Variants in HDX observed in about 807,000 individuals in gnomAD.
HDX encodes highly divergent homeobox.
A neutral mutation model predicts 45.2 loss-of-function variants in HDX; 19 were observed. The ratio of observed to expected loss-of-function variants is 0.42; its 90% CI spans 0.29 to 0.62. The LOEUF is 0.62. HDX is among the 20% of genes least tolerant of loss of function. HDX has a pLI of 0.20. For synonymous variants in HDX, 188 were observed against 172.8 expected, an observed-to-expected ratio of 1.09 and a Z score of -0.69; for missense variants, 532 against 493.9, an observed-to-expected ratio of 1.08 and a Z score of -0.73.
At chrX:84,470,926 A>C (rs2040443237) in intron 3 of HDX, among the ~76,000 whole-genome samples, 1 of 111,834 alleles carries the variant, frequency 8.9e-6, no homozygotes, top group African/African-American at 3.2e-5. Context: ...AAGCCAAGGC[A>C]GGAGGATCGC....
chrX:84,344,957 A>G (rs1280948422), intron 6 of HDX, among the ~76,000 whole-genome samples: 2 of 111,249 alleles, frequency 1.8e-5, no homozygotes, highest in Admixed American at 1.9e-4. Flanking sequence ...TTCTTTTTCA[A>G]ACAGAACCAT....
chrX:84,349,087 C>T (rs1188243169), intron 6 of HDX, among the ~76,000 whole-genome samples: 1 of 110,747 alleles, frequency 9.0e-6, no homozygotes, highest in East Asian at 2.9e-4. Context: ...GAGCCTCCAG[C>T]AATTCATCAG....
At chrX:84,410,432 G>A (rs1225319377) in intron 5 of HDX, among the ~76,000 whole-genome samples, 1 of 111,470 alleles carries the variant, frequency 9.0e-6, no homozygotes, top group Non-Finnish European at 1.9e-5. Flanking sequence ...GTGTATGTGT[G>A]TGTGTGTGCG....
At chrX:84,457,609 G>T (rs772522935) in intron 4 of HDX, among the ~76,000 whole-genome samples, 1 of 111,647 alleles carries the variant, frequency 9.0e-6, no homozygotes, top group East Asian at 2.8e-4. Flanking sequence ...CAAAATTTGA[G>T]TAATTTCTTC....
chrX:84,424,283 A>C (rs1446367280), intron 5 of HDX, among the ~76,000 whole-genome samples: 2 of 111,257 alleles, frequency 1.8e-5, no homozygotes, highest in African/African-American at 6.5e-5. Flanking sequence ...CAATAATGAC[A>C]ACTATAAAAC....
chrX:84,355,805 G>A (rs893310908), intron 6 of HDX, among the ~76,000 whole-genome samples: 2 of 108,064 alleles, frequency 1.9e-5, no homozygotes, highest in African/African-American at 3.4e-5. Context: ...ACAAGTATAC[G>A]CACGTAACAA....
intron 5 of HDX, among the ~76,000 whole-genome samples, chrX:84,366,295 C>T (rs1350802864): frequency 2.7e-5 from 3 of 111,409 alleles, no homozygotes; most frequent in Non-Finnish European, 5.6e-5. Context: ...AGGACCTCTT[C>T]AAGGAGAACT....
chrX:84,451,383 A>G (rs1282343132), intron 4 of HDX, among the ~76,000 whole-genome samples: 2 of 111,347 alleles, frequency 1.8e-5, no homozygotes, highest in Non-Finnish European at 3.8e-5. Context: ...ATCAGAGACT[A>G]TAAAGAACAA....
At chrX:84,447,465 T>G (rs1159335555) in intron 4 of HDX, among the ~76,000 whole-genome samples, 2 of 111,295 alleles carry the variant, frequency 1.8e-5, no homozygotes, top group Non-Finnish European at 3.8e-5. Context: ...ATTTCTACCA[T>G]GGATTCCTGC....
At chrX:84,399,319 G>A (rs2038642759) in intron 5 of HDX, among the ~76,000 whole-genome samples, 1 of 109,335 alleles carries the variant, frequency 9.1e-6, no homozygotes, top group South Asian at 3.9e-4. Flanking sequence ...CCACTAGCTA[G>A]ACTAATAAAG....
intron 2 of HDX, among the ~76,000 whole-genome samples, chrX:84,477,936 A>G (rs764391074): frequency 3.0e-4 from 33 of 111,606 alleles, no homozygotes; most frequent in African/African-American, 1.0e-3. Flanking sequence ...GCTACCATTC[A>G]GCACATGCCC....
At chrX:84,468,417 T>C in intron 4 of HDX, 55 bp downstream of exon 4, 1 of 799,014 alleles carries the variant, frequency 1.3e-6, no homozygotes, top group Non-Finnish European at 1.7e-6. Flanking sequence ...GTCCCAAATC[T>C]AACTGGATAC....
chrX:84,439,139 C>T (rs1002530944), intron 5 of HDX, among the ~76,000 whole-genome samples: 4 of 111,372 alleles, frequency 3.6e-5, no homozygotes, highest in African/African-American at 1.3e-4. Flanking sequence ...TTTTGATTTG[C>T]ATTTCTCTGA....
At position 84,468,921 on chromosome X, in the gene HDX, A is replaced by T. The variant is rs778838792; in HGVS notation, c.802T>A (p.Leu268Met). 1 of 1,209,887 alleles carries T rather than the reference A, an allele frequency of 8.3e-7. No individual in the cohort carries two copies. The highest frequency in any genetic ancestry group is 1.1e-6 in the Non-Finnish European group (1 of 895,106). The change falls in exon 4 of 11, where the codon TTG becomes ATG. Residue 268 changes from leucine to methionine, a missense_variant. By Grantham distance (15) the Leu-to-Met change is conservative. Transcript: ENST00000373177. Reference sequence around the variant, plus strand: ...CTCTGGGGGTAATCGCTAACTGCCAATGAAAACACTTCACGGATTTCCAAG... The same window carrying T: ...CTCTGGGGGTAATCGCTAACTGCCATTGAAAACACTTCACGGATTTCCAAG... ...QNLEIREVFS[L>M]AVSDYPQRIL...
intron 4 of HDX, among the ~76,000 whole-genome samples, chrX:84,443,595 A>AT (rs1481214215): frequency 5.4e-5 from 6 of 111,648 alleles, no homozygotes; most frequent in Non-Finnish European, 9.5e-5. Flanking sequence ...TCACCCAGAG[A>AT]TTTTGTCTCA....
chrX:84,369,294 C>T (rs969832209), intron 5 of HDX, among the ~76,000 whole-genome samples: 1 of 111,593 alleles, frequency 9.0e-6, no homozygotes, highest in Non-Finnish European at 1.9e-5. Context: ...ATGCATGTAC[C>T]AAATTTTTGT....
At chrX:84,491,694 G>A (rs943938764) in intron 1 of HDX, among the ~76,000 whole-genome samples, 4 of 111,537 alleles carry the variant, frequency 3.6e-5, no homozygotes, top group African/African-American at 1.3e-4. Flanking sequence ...CTAGGAATTG[G>A]TTTGGTTCTT....
intron 7 of HDX, among the ~76,000 whole-genome samples, chrX:84,337,931 C>T (rs1242142541): frequency 9.0e-6 from 1 of 110,969 alleles, no homozygotes; most frequent in Non-Finnish European, 1.9e-5. Flanking sequence ...CCTCCACCAG[C>T]CCCTTAAAAA....
intron 9 of HDX, among the ~76,000 whole-genome samples, chrX:84,331,233 A>T (rs1400262124): frequency 9.0e-6 from 1 of 111,453 alleles, no homozygotes; most frequent in Non-Finnish European, 1.9e-5. Context: ...ATTTCTAGTG[A>T]TGTATCTCAG....
Sources: allele counts gnomAD v4.1 joint callset (sites outside exome capture counted in the v4.1 genomes callset), GRCh38; gene constraint gnomAD v4.1.1; transcripts MANE v1.5; gene names NCBI Gene and HGNC (gene_info 2026-07-23, HGNC 2026-07-21).